Variants in TRABD2B observed in about 807,000 individuals in gnomAD.
The protein encoded by TRABD2B is TraB domain containing 2B.
In TRABD2B, 14 loss-of-function variants were observed where a neutral mutation model predicts 40.1. The ratio of observed to expected loss-of-function variants is 0.35; its 90% CI spans 0.23 to 0.55. The LOEUF is 0.55. Ranked by LOEUF, TRABD2B falls within the 20% of genes least tolerant of loss-of-function variation. The pLI is 0.90. For missense variants in TRABD2B, 541 were observed against 648.6 expected (o/e 0.83, Z 1.80); for synonymous variants, 263 against 277.0 (o/e 0.95, Z 0.50).
At chr1:47,772,595 T>C (rs1295763590) in intron 6 of TRABD2B, among the ~76,000 whole-genome samples, 1 of 152,004 alleles carries the variant, frequency 6.6e-6, no homozygotes, top group African/African-American at 2.4e-5. Context: ...ATGGCTCCAA[T>C]GGGGTTTCGG....
Position 47,994,618 on chromosome 1 carries a change from C to A in TRABD2B, c.103-21G>T. The A allele has an allele frequency of 6.6e-7, 1 of 1,525,182 alleles. No homozygotes were observed. The highest frequency in any genetic ancestry group is 1.2e-5 in the South Asian group (1 of 82,290). The allele number at this position is 1,525,182 out of a possible 1,614,324, so 94.5% of individuals were successfully genotyped here. On this transcript the variant is annotated intron_variant, in intron 1 of 6. Transcript: ENST00000606738. This position sits in a 1 kb window ranked among gnomAD's most constrained non-coding sequence, Gnocchi z 6.7. ...CTCTGCTGCAGGAGTAGAGAAGAGG[C>A]AAGGCAGTGAGGCCGAAGGCAACAG...
intron 2 of TRABD2B, among the ~76,000 whole-genome samples, chr1:47,871,497 T>G (rs1403482195): frequency 6.6e-6 from 1 of 152,212 alleles, no homozygotes; most frequent in Non-Finnish European, 1.5e-5. Context: ...ACAGAATGAC[T>G]TGGAGCCCTG....
intron 2 of TRABD2B, among the ~76,000 whole-genome samples, chr1:47,805,255 C>CT: frequency 6.7e-6 from 1 of 150,044 alleles, no homozygotes; most frequent in African/African-American, 2.5e-5. Context: ...CTGCCACACC[C>CT]ATTTTTTTTT....
At chr1:47,880,525 G>T (rs952277378) in intron 2 of TRABD2B, among the ~76,000 whole-genome samples, 2 of 152,166 alleles carry the variant, frequency 1.3e-5, no homozygotes, top group Admixed American at 6.5e-5. Flanking sequence ...CATGGAACGC[G>T]GATACCAGGT....
rs184769210 is a variant in TRABD2B, at chr1:47,811,874, A to G, written c.667-10255T>C. Among the ~76,000 whole-genome samples, 65 of 152,364 alleles carry G rather than the reference A, an allele frequency of 4.3e-4. No individual in the cohort carries two copies. The East Asian group carries it at 0.012, about 27-fold the overall frequency. ...CTCCTAGCTCTGGAAGACCTATTCC[A>G]GGAGCCCAACATTTCAGAACATTAC... On this transcript the variant is annotated intron_variant, in intron 2 of 6. Transcript: ENST00000606738.
chr1:47,810,167 C>CGCGT (rs1491477335), intron 2 of TRABD2B, among the ~76,000 whole-genome samples: 1 of 151,396 alleles, frequency 6.6e-6, no homozygotes, highest in Non-Finnish European at 1.5e-5. Flanking sequence ...CGCGCGCGCG[C>CGCGT]GCACGTGTGT....
chr1:47,944,343 A>T (rs1645230103), intron 2 of TRABD2B, among the ~76,000 whole-genome samples: 1 of 152,236 alleles, frequency 6.6e-6, no homozygotes. Flanking sequence ...AAATAAATGT[A>T]TGAATTCAGA....
At chr1:47,948,289 A>G (rs1216390979) in intron 2 of TRABD2B, among the ~76,000 whole-genome samples, 6 of 152,158 alleles carry the variant, frequency 3.9e-5, no homozygotes. Flanking sequence ...GAGCAGACAG[A>G]CCAGCTAAAG....
intron 2 of TRABD2B, among the ~76,000 whole-genome samples, chr1:47,932,465 G>C (rs1306241271): frequency 1.3e-5 from 2 of 152,178 alleles, no homozygotes; most frequent in African/African-American, 4.8e-5. Context: ...GGGAAACTGA[G>C]AAATAAGGCA....
intron 2 of TRABD2B, among the ~76,000 whole-genome samples, chr1:47,970,062 C>A (rs1645659337): frequency 6.6e-6 from 1 of 152,164 alleles, no homozygotes; most frequent in South Asian, 2.1e-4. Context: ...AGCACTTACT[C>A]ATTTTAAGAG....
intron 2 of TRABD2B, among the ~76,000 whole-genome samples, chr1:47,887,435 C>T (rs36107973): frequency 0.017 from 2,547 of 152,188 alleles, 40 homozygotes; most frequent in Middle Eastern, 0.065. Context: ...TGGGGTGGGG[C>T]TTGGGAGTCA....
At chr1:47,947,997 A>G (rs1334043420) in intron 2 of TRABD2B, among the ~76,000 whole-genome samples, 1 of 152,212 alleles carries the variant, frequency 6.6e-6, no homozygotes, top group African/African-American at 2.4e-5. Context: ...ATGAAGCCAG[A>G]TAAGTACCCC....
chr1:47,979,977 C>T (rs2148440485), intron 2 of TRABD2B, among the ~76,000 whole-genome samples: 1 of 152,192 alleles, frequency 6.6e-6, no homozygotes, highest in African/African-American at 2.4e-5. Context: ...GTGGGTGGGC[C>T]AATTATTAAC....
At position 47,838,710 on chromosome 1, in the gene TRABD2B, A is replaced by G. The variant is rs144332629; in HGVS notation, c.667-37091T>C. Among the ~76,000 whole-genome samples the G allele has an allele frequency of 4.6e-3, 699 of 152,338 alleles. 7 individuals carry two copies. Among genetic ancestry groups the G allele is most frequent in the African/African-American group, 0.016 (683 of 41,586 alleles). ...TGGTCAGTGCTGGAAAGACATGGCT[A>G]TCGACTGATGCAGTCACATGGCTGA... is the stretch of plus-strand genomic sequence containing the variant. On this transcript the variant is annotated intron_variant, in intron 2 of 6. Coordinates refer to ENST00000606738, the MANE Select transcript of TRABD2B (RefSeq NM_001194986.2).
At chr1:47,957,164 C>T (rs1645436705) in intron 2 of TRABD2B, among the ~76,000 whole-genome samples, 1 of 152,210 alleles carries the variant, frequency 6.6e-6, no homozygotes, top group Non-Finnish European at 1.5e-5. Flanking sequence ...AGAAAGAAAA[C>T]TCACAAACAG....
At chr1:47,953,474 C>T (rs910630731) in intron 2 of TRABD2B, among the ~76,000 whole-genome samples, 1 of 152,102 alleles carries the variant, frequency 6.6e-6, no homozygotes, top group Admixed American at 6.5e-5. Flanking sequence ...ACACAGGAAG[C>T]TCCCCACCCT....
At chr1:47,922,955 G>A (rs1644921153) in intron 2 of TRABD2B, among the ~76,000 whole-genome samples, 1 of 152,178 alleles carries the variant, frequency 6.6e-6, no homozygotes, top group Non-Finnish European at 1.5e-5. Flanking sequence ...AAAGCTCAGG[G>A]TCTGGCCTCG....
chr1:47,794,790 G>GC (rs755342472), intron 3 of TRABD2B, 30 bp from the exon 4 acceptor site: 9 of 1,145,192 alleles, frequency 7.9e-6, no homozygotes, highest in African/African-American at 1.9e-5. Context: ...GCTGCCTTCA[G>GC]TTTTTTTTTT....
At chr1:47,966,327 G>T (rs1051515660) in intron 2 of TRABD2B, among the ~76,000 whole-genome samples, 5 of 152,204 alleles carry the variant, frequency 3.3e-5, no homozygotes, top group African/African-American at 1.2e-4. Flanking sequence ...CTGGGCTCTT[G>T]ACTTGCCCAG....
Sources: allele counts gnomAD v4.1 joint callset (sites outside exome capture counted in the v4.1 genomes callset), GRCh38; gene constraint gnomAD v4.1.1; non-coding constraint Gnocchi (gnomAD v3.1); transcripts MANE v1.5; gene names NCBI Gene and HGNC (gene_info 2026-07-23, HGNC 2026-07-21).